ARHGEF9: variants seen among roughly 807,000 people sequenced by gnomAD.
ARHGEF9 encodes Cdc42 guanine nucleotide exchange factor 9.
ARHGEF9 carries 2 observed loss-of-function variants against 41.3 expected under a neutral mutation model. That is an observed-to-expected ratio of 0.05 (90% CI 0.02 to 0.15). The LOEUF (loss-of-function observed/expected upper bound fraction) is 0.15. Among genes scored for constraint, ARHGEF9 ranks in the 10% least tolerant of loss-of-function variants. The pLI is 1.00. For missense variants in ARHGEF9, 225 were observed against 424.7 expected (o/e 0.53, Z 4.13); for synonymous variants, 160 against 154.4 (o/e 1.04, Z -0.27).
intron 2 of ARHGEF9, among the ~76,000 whole-genome samples, chrX:63,720,504 G>A (rs2053574230): frequency 1.8e-5 from 2 of 111,968 alleles, no homozygotes; most frequent in South Asian, 3.7e-4. Context: ...CAAGAAAACA[G>A]GAACATGTGA....
chrX:63,704,804 C>A (rs1269784681), intron 3 of ARHGEF9, among the ~76,000 whole-genome samples: 1 of 111,933 alleles, frequency 8.9e-6, no homozygotes. Flanking sequence ...ATGTGAAAAA[C>A]CAGCATTCCA....
chrX:63,682,520 A>T (rs1182586336), intron 4 of ARHGEF9, among the ~76,000 whole-genome samples: 8 of 110,192 alleles, frequency 7.3e-5, no homozygotes, highest in Admixed American at 9.6e-5. Context: ...GTCAAAAAAA[A>T]AAAAGAAGAA....
intron 1 of ARHGEF9, among the ~76,000 whole-genome samples, chrX:63,734,722 T>C (rs2054513523): frequency 1.8e-5 from 2 of 111,337 alleles, no homozygotes; most frequent in African/African-American, 3.3e-5. Flanking sequence ...GAGAGACTAT[T>C]TGCTTCTGCT....
intron 4 of ARHGEF9, among the ~76,000 whole-genome samples, chrX:63,682,485 A>T (rs1178223009): frequency 9.1e-6 from 1 of 109,593 alleles, no homozygotes; most frequent in Non-Finnish European, 1.9e-5. Flanking sequence ...ACTGCACTCC[A>T]GCCTGGGTGA....
Position 63,707,814 on chromosome X carries a change from CTTCT to C in ARHGEF9, c.211-1369_211-1366del, listed in dbSNP as rs1377076876. Among the ~76,000 whole-genome samples the C allele has an allele frequency of 4.5e-5, 5 of 111,364 alleles. No individual in the cohort carries two copies. In the Admixed American group the frequency reaches 4.8e-4, roughly 11 times the overall value. On this transcript the variant is annotated intron_variant, in intron 2 of 9. Transcript: ENST00000671741. ...TACTTCCCAACTCTGTATATTCTTC[CTTCT>C]TTCTTTTTCTCACAGGAGGTGAGGG... is the stretch of plus-strand genomic sequence containing the variant.
At chrX:63,755,465 A>G (rs2055900429) in intron 1 of ARHGEF9, 1 of 270,911 alleles carries the variant, frequency 3.7e-6, no homozygotes, top group African/African-American at 2.8e-5. Context: ...AATAGGATGC[A>G]AGGGGAGGAG....
chrX:63,654,837 T>C (rs2048783876), intron 8 of ARHGEF9, among the ~76,000 whole-genome samples: 1 of 111,952 alleles, frequency 8.9e-6, no homozygotes, highest in Admixed American at 9.5e-5. Context: ...CAGACAGTAC[T>C]TTATAAGTCA....
At chrX:63,650,969 A>C (rs1556328195) in intron 8 of ARHGEF9, among the ~76,000 whole-genome samples, 1 of 110,840 alleles carries the variant, frequency 9.0e-6, no homozygotes, top group Non-Finnish European at 1.9e-5. Flanking sequence ...GAAATGAACA[A>C]TTTCCCAGAA....
intron 1 of ARHGEF9, among the ~76,000 whole-genome samples, chrX:63,729,475 C>T (rs1175103316): frequency 1.8e-5 from 2 of 111,694 alleles, no homozygotes; most frequent in Non-Finnish European, 3.8e-5. Flanking sequence ...AAGAGCTCAT[C>T]AACATTATCA....
chrX:63,770,341 G>A (rs1309898975), intron 1 of ARHGEF9, among the ~76,000 whole-genome samples: 5 of 112,421 alleles, frequency 4.4e-5, no homozygotes, highest in African/African-American at 1.6e-4. Flanking sequence ...CTTGCATGGG[G>A]CCTGGAGCCC....
chrX:63,687,115 C>A (rs1224281369), intron 4 of ARHGEF9, among the ~76,000 whole-genome samples: 1 of 111,166 alleles, frequency 9.0e-6, no homozygotes, highest in Non-Finnish European at 1.9e-5. Flanking sequence ...CATCTGACCT[C>A]AAAAAAGACA....
At chrX:63,724,458 C>A in intron 2 of ARHGEF9, 74 bp downstream of exon 2, 1 of 1,101,670 alleles carries the variant, frequency 9.1e-7, no homozygotes, top group Admixed American at 2.4e-5. Flanking sequence ...AACAGGAGAA[C>A]AGAGGCTGGT....
intron 1 of ARHGEF9, among the ~76,000 whole-genome samples, chrX:63,768,101 C>T (rs1269428006): frequency 8.9e-6 from 1 of 111,780 alleles, no homozygotes; most frequent in African/African-American, 3.3e-5. Context: ...GTACATTGTA[C>T]CCAATATGTA....
intron 1 of ARHGEF9, chrX:63,755,099 G>T (rs1556445608): frequency 3.2e-6 from 3 of 937,241 alleles, no homozygotes; most frequent in Admixed American, 1.2e-4. Context: ...TGCCTTGCTG[G>T]CCCTATCCCT....
intron 1 of ARHGEF9, among the ~76,000 whole-genome samples, chrX:63,749,346 C>T (rs2055468332): frequency 8.9e-6 from 1 of 111,873 alleles, no homozygotes; most frequent in Non-Finnish European, 1.9e-5. Context: ...ACTCTCCTGC[C>T]TCAGCCTCCC....
chrX:63,691,835 A>C (rs1556381811), intron 4 of ARHGEF9, among the ~76,000 whole-genome samples: 1 of 111,683 alleles, frequency 9.0e-6, no homozygotes, highest in East Asian at 2.8e-4. Context: ...CCAAAAAAGC[A>C]TGGTACTGAA....
At chrX:63,757,974 TAGA>T (rs2055964943) in intron 1 of ARHGEF9, among the ~76,000 whole-genome samples, 1 of 112,298 alleles carries the variant, frequency 8.9e-6, no homozygotes, top group African/African-American at 3.2e-5. Context: ...GCACAGTATT[TAGA>T]AGGAGGTGGT....
At position 63,697,045 on chromosome X, in the gene ARHGEF9, C is replaced by G. The variant is rs182966851; in HGVS notation, c.582+80G>C. ...CCCACTGCAGGAAAAAGGAGCTGAACAGAACCAGACAGCTCAAACGCTCCT... is the reference window on the plus strand; with the variant it reads ...CCCACTGCAGGAAAAAGGAGCTGAAGAGAACCAGACAGCTCAAACGCTCCT... On this transcript the variant is annotated intron_variant, in intron 4 of 9. Coordinates refer to ENST00000671741, the MANE Select transcript of ARHGEF9 (RefSeq NM_001353921.2). 7.5e-6 allele frequency: 8 copies of G among 1,062,689 alleles called. No individual in the cohort carries two copies. In the East Asian group the frequency reaches 2.6e-4, roughly 35 times the overall value. The allele number at this position is 1,062,689 out of a possible 1,213,427, so 87.6% of individuals were successfully genotyped here. A position where few individuals can be genotyped will look rare whatever the true frequency, so the allele number is the denominator to read the frequency against.
At chrX:63,685,696 G>A (rs782767363) in intron 4 of ARHGEF9, among the ~76,000 whole-genome samples, 116 of 111,585 alleles carry the variant, frequency 1.0e-3, no homozygotes, top group Middle Eastern at 4.6e-3. Context: ...TGACAAAGGT[G>A]CCCAGGCAAT....
Sources: allele counts gnomAD v4.1 joint callset (sites outside exome capture counted in the v4.1 genomes callset), GRCh38; gene constraint gnomAD v4.1.1; transcripts MANE v1.5; gene names NCBI Gene and HGNC (gene_info 2026-07-23, HGNC 2026-07-21).